Variants in ZNF275 observed in about 807,000 individuals in gnomAD.
The protein encoded by ZNF275 is zinc finger protein 275.
ZNF275 carries 4 observed loss-of-function variants against 4.3 expected under a neutral mutation model. The ratio of observed to expected loss-of-function variants is 0.93; its 90% CI spans 0.46 to 2.13. The LOEUF (loss-of-function observed/expected upper bound fraction) is 2.13. Among genes scored for constraint, ZNF275 ranks in the 30% most tolerant of loss-of-function variants. The probability of loss-of-function intolerance (pLI) is 0.02; values close to 1 mark genes in which losing one functional copy is unlikely to be tolerated. For missense variants in ZNF275, 352 were observed against 397.1 expected (o/e 0.89, Z 0.97); for synonymous variants, 173 against 166.9 (o/e 1.04, Z -0.28).
intron 2 of ZNF275, chrX:153,344,713 A>G (rs782048161): frequency 5.3e-6 from 2 of 376,270 alleles, no homozygotes; most frequent in South Asian, 4.7e-5. Context: ...CCTCACCACA[A>G]GGGAGTGGTT....
Position 153,347,666 on chromosome X carries a change from C to A in ZNF275, c.981C>A (p.Gly327=). The A allele has an allele frequency of 8.3e-7, 1 of 1,206,809 alleles. No homozygotes were observed. Reference sequence around the variant, plus strand: ...AGCCCTACGCCTGCGGCCAGTGCGGCAAGGCCTTCCGCCAGAGCTCCAGCC... The same window carrying A: ...AGCCCTACGCCTGCGGCCAGTGCGGAAAGGCCTTCCGCCAGAGCTCCAGCC... ...GEKPYACGQC[G]KAFRQSSSLL... Residue 327 remains glycine (G), a synonymous_variant, in exon 4 of 4, where the codon GGC becomes GGA. Coordinates refer to ENST00000650114, the MANE Select transcript of ZNF275 (RefSeq NM_001367757.1).
rs1556961110 is a variant in ZNF275, at chrX:153,342,507, AT to A, written c.32-3010del. ...AAAGATTATATTATTGAGTGTCTGG[AT>A]TTGGGGTGGTAGTTACTTGTGGATC... is the stretch of plus-strand genomic sequence containing the variant. On this transcript the variant is annotated intron_variant, in intron 2 of 3. Coordinates refer to ENST00000650114, the MANE Select transcript of ZNF275 (RefSeq NM_001367757.1). Among the ~76,000 whole-genome samples, 3 of 111,378 alleles carry A rather than the reference AT, an allele frequency of 2.7e-5. No individual in the cohort carries two copies. In the Admixed American group the frequency reaches 2.9e-4, roughly 11 times the overall value.
At chrX:153,335,134 G>A (rs782342312) in intron 1 of ZNF275, among the ~76,000 whole-genome samples, 2 of 98,447 alleles carry the variant, frequency 2.0e-5, no homozygotes, top group South Asian at 9.5e-4. Context: ...CCCCCCACTC[G>A]CCTGCCGCCC....
chrX:153,340,524 G>A (rs1556960966), intron 2 of ZNF275, among the ~76,000 whole-genome samples: 3 of 113,038 alleles, frequency 2.7e-5, no homozygotes, highest in Admixed American at 9.3e-5. Context: ...CTCACATGCT[G>A]AGCAGCTTTC....
chrX:153,344,686 G>A (rs2088500651), intron 2 of ZNF275: 1 of 374,356 alleles, frequency 2.7e-6, no homozygotes, highest in Non-Finnish European at 5.2e-6. Context: ...GGTGACATTT[G>A]ATGATGTGGC....
intron 1 of ZNF275, among the ~76,000 whole-genome samples, chrX:153,335,140 C>T (rs1270071588): frequency 9.3e-6 from 1 of 107,792 alleles, no homozygotes; most frequent in Non-Finnish European, 1.9e-5. Context: ...ACTCGCCTGC[C>T]GCCCAAAGTC....
chrX:153,336,365 G>A (rs970592317), intron 1 of ZNF275, among the ~76,000 whole-genome samples: 4 of 112,829 alleles, frequency 3.5e-5, no homozygotes, highest in Non-Finnish European at 5.6e-5. Context: ...GCTTTGGGAC[G>A]GGACGGGATG....
intron 3 of ZNF275, 108 bp downstream of exon 3, chrX:153,345,729 GT>G: frequency 2.0e-6 from 1 of 509,944 alleles, no homozygotes; most frequent in Non-Finnish European, 3.1e-6. Context: ...TCAGGTTAGG[GT>G]TGGGGGTCCC....
chrX:153,347,759 C>A lies in ZNF275; in HGVS notation c.1074C>A (p.Phe358Leu). Residue 358 changes from phenylalanine to leucine, a missense_variant, in exon 4 of 4, where the codon TTC becomes TTA. Transcript: ENST00000650114. The part of the protein sequence containing the change: ...PYACGECGKA[F>L]RGPSDLIKHR... ...CATGCGGCGAGTGTGGCAAGGCCTT[C>A]CGTGGGCCCTCTGACCTCATCAAGC... 1 of 1,209,136 alleles carries A rather than the reference C, an allele frequency of 8.3e-7. No individual in the cohort carries two copies.
chrX:153,344,293 A>G (rs2088497734), intron 2 of ZNF275: 6 of 288,779 alleles, frequency 2.1e-5, no homozygotes, highest in Admixed American at 7.7e-5. Context: ...CTCTTGCCCC[A>G]GCATGACACA....
chrX:153,334,871 T>TGGGGG (rs34010706), intron 1 of ZNF275, among the ~76,000 whole-genome samples: 1 of 55,096 alleles, frequency 1.8e-5, no homozygotes, highest in African/African-American at 6.4e-5. Flanking sequence ...TGGGTGGGAG[T>TGGGGG]GGGGGGGGGC....
At chrX:153,334,871 T>TG (rs34010706) in intron 1 of ZNF275, among the ~76,000 whole-genome samples, 32 of 55,108 alleles carry the variant, frequency 5.8e-4, no homozygotes, top group African/African-American at 9.6e-4. Flanking sequence ...TGGGTGGGAG[T>TG]GGGGGGGGGC....
intron 2 of ZNF275, among the ~76,000 whole-genome samples, chrX:153,342,925 G>T (rs782220604): frequency 8.9e-6 from 1 of 112,519 alleles, no homozygotes; most frequent in Non-Finnish European, 1.9e-5. Context: ...CTGAATGCTG[G>T]CCTGTGTCTC....
At chrX:153,339,185 T>G (rs1212561140) in intron 2 of ZNF275, among the ~76,000 whole-genome samples, 8 of 111,697 alleles carry the variant, frequency 7.2e-5, no homozygotes, top group Non-Finnish European at 1.1e-4. Flanking sequence ...CAGGAGCTGC[T>G]GCAGACACTG....
intron 3 of ZNF275, among the ~76,000 whole-genome samples, chrX:153,346,408 C>T (rs1556961553): frequency 1.8e-5 from 2 of 108,892 alleles, no homozygotes. Context: ...GTTGGGGGTC[C>T]CAGCTGAGCT....
chrX:153,351,520 C>T lies in ZNF275; in HGVS notation c.*3545C>T, dbSNP rs2088556334. The T allele has an allele frequency of 8.9e-6, 1 of 112,014 alleles. No individual in the cohort carries two copies. The highest frequency in any genetic ancestry group is 9.6e-5 in the Admixed American group (1 of 10,388). The allele number at this position is 112,014 out of a possible 1,213,427, so 9.2% of individuals were successfully genotyped here. ...TGACAATTGGGTTTCCACGCACGTG[C>T]ATGAGATGTTCCTCCTTCAAACCTT... is the stretch of plus-strand genomic sequence containing the variant. On this transcript the variant is annotated 3_prime_UTR_variant, in exon 4 of 4. Coordinates refer to ENST00000650114, the MANE Select transcript of ZNF275 (RefSeq NM_001367757.1).
chrX:153,349,573 G>A lies in ZNF275; in HGVS notation c.*1598G>A, dbSNP rs782780005. ...TTGCTTTTTGTAGCAGTTTTATTAC[G>A]TTTTTGTTGTGAAAGCTTTTAATTT... On this transcript the variant is annotated 3_prime_UTR_variant, in exon 4 of 4. Coordinates refer to ENST00000650114, the MANE Select transcript of ZNF275 (RefSeq NM_001367757.1). The A allele has an allele frequency of 3.2e-5, 4 of 123,402 alleles. No individual in the cohort carries two copies. Among genetic ancestry groups the A allele is most frequent in the South Asian group, 3.7e-4 (1 of 2,721 alleles). The allele number at this position is 123,402 out of a possible 1,213,427, so 10.2% of individuals were successfully genotyped here. A position where few individuals can be genotyped will look rare whatever the true frequency, so the allele number is the denominator to read the frequency against.
rs781893185 is a variant in ZNF275, at chrX:153,345,601, C to A, written c.113C>A (p.Thr38Asn). Residue 38 changes from threonine to asparagine, a missense_variant, in exon 3 of 4, where the codon ACT becomes AAT. Thr to Asn is a moderately conservative substitution (Grantham distance 65). Transcript: ENST00000650114. The part of the protein sequence containing the change: ...VLLVSDPSPN[T>N]DPAKYSESTS... The stretch of plus-strand genomic sequence containing the variant: ...CTGGTGTCAGACCCATCGCCCAACA[C>A]TGATCCTGCTAAGTACTCTGGTGAG... 1 of 1,208,605 alleles carries A rather than the reference C, an allele frequency of 8.3e-7. No homozygotes were observed. The highest frequency in any genetic ancestry group is 1.1e-6 in the Non-Finnish European group (1 of 892,624).
intron 2 of ZNF275, among the ~76,000 whole-genome samples, chrX:153,337,261 G>C (rs1556960667): frequency 8.9e-6 from 1 of 111,803 alleles, no homozygotes; most frequent in Non-Finnish European, 1.9e-5. Context: ...AGAGAATGTT[G>C]CTTGGCTATT....
Sources: allele counts gnomAD v4.1 joint callset (sites outside exome capture counted in the v4.1 genomes callset), GRCh38; gene constraint gnomAD v4.1.1; transcripts MANE v1.5; gene names NCBI Gene and HGNC (gene_info 2026-07-23, HGNC 2026-07-21).